OTOGL: variants seen among roughly 807,000 people sequenced by gnomAD.
OTOGL encodes otogelin-like protein.
In OTOGL, 285 loss-of-function variants were observed where a neutral mutation model predicts 318.5. The observed-to-expected ratio is 0.89, with a 90% CI of 0.81 to 0.99. The LOEUF is 0.99. OTOGL is among the 50% of genes least tolerant of loss of function. OTOGL has a pLI of 0.00. For missense variants in OTOGL, 2,899 were observed against 2,845.6 expected (o/e 1.02, Z -0.43); for synonymous variants, 987 against 936.5 (o/e 1.05, Z -0.99).
chr12:80,111,700 C>G (rs899900089), intron 1 of OTOGL, among the ~76,000 whole-genome samples: 10 of 152,086 alleles, frequency 6.6e-5, no homozygotes, highest in Non-Finnish European at 1.5e-4. Context: ...CAGCTTTGTT[C>G]TTTTTGCTTA....
At position 80,266,223 on chromosome 12, in the gene OTOGL, C is replaced by G. The variant is rs1251493165; in HGVS notation, c.2225-228C>G. 4.5e-5 allele frequency: 23 copies of G among 516,340 alleles called. No homozygotes were observed. In the East Asian group the frequency reaches 6.3e-4, roughly 14 times the overall value. 32.0% of individuals were successfully genotyped at this position (516,340 alleles called of 1,614,324 possible). A position where few individuals can be genotyped will look rare whatever the true frequency, so the allele number is the denominator to read the frequency against. ...CTGAAAATATTTACCATTTGCGAAG[C>G]TGAAAATACTTACCATTTGGCCCTT... On this transcript the variant is annotated intron_variant, in intron 20 of 58. Coordinates refer to ENST00000547103, the MANE Select transcript of OTOGL (RefSeq NM_001378609.3).
chr12:80,103,205 G>A (rs1177170962), intron 1 of OTOGL: 2 of 1,417,426 alleles, frequency 1.4e-6, no homozygotes, highest in Non-Finnish European at 2.0e-6. Context: ...TGGATCGCTC[G>A]TTGTACTTCT....
chr12:80,137,215 A>T (rs992361658), intron 1 of OTOGL, among the ~76,000 whole-genome samples: 4 of 152,160 alleles, frequency 2.6e-5, no homozygotes, highest in South Asian at 4.1e-4. Flanking sequence ...TTATACAAAA[A>T]TGCCAGTGGT....
At chr12:80,279,547 A>G (rs1265215023) in intron 26 of OTOGL, among the ~76,000 whole-genome samples, 6 of 151,520 alleles carry the variant, frequency 4.0e-5, no homozygotes, top group African/African-American at 1.2e-4. Context: ...AACATGCGGT[A>G]TTTGGTTTTC....
At chr12:80,324,548 T>C (rs73152155) in intron 35 of OTOGL, among the ~76,000 whole-genome samples, 3,601 of 152,300 alleles carry the variant, frequency 0.024, 57 homozygotes, top group Non-Finnish European at 0.036. Context: ...TGGCTGCATT[T>C]TAGGCAGCTG....
At chr12:80,354,569 T>C (rs553589812) in intron 46 of OTOGL, among the ~76,000 whole-genome samples, 1 of 152,266 alleles carries the variant, frequency 6.6e-6, no homozygotes, top group South Asian at 2.1e-4. Context: ...GAATTGTCAG[T>C]CATAGGCCTC....
At position 80,265,162 on chromosome 12, in the gene OTOGL, G is replaced by T; in HGVS notation, c.2176G>T (p.Gly726Cys). ...TCTTGCCCACTATGCCTACCTCTGC[G>T]GCCAGCACGGTGTTCCCATTGATTT... ...NALAHYAYLC[G>C]QHGVPIDFRT... The change falls in exon 20 of 59, where the codon GGC (glycine) becomes TGC (cysteine). Residue 726 changes from glycine (G) to cysteine (C), a missense_variant. Transcript: ENST00000547103. The T allele has an allele frequency of 6.2e-7, 1 of 1,613,802 alleles. No homozygotes were observed. The highest frequency in any genetic ancestry group is 8.5e-7 in the Non-Finnish European group (1 of 1,179,848).
chr12:80,183,482 G>A (rs772842552), intron 1 of OTOGL, among the ~76,000 whole-genome samples: 19 of 152,134 alleles, frequency 1.2e-4, no homozygotes, highest in Non-Finnish European at 2.4e-4. Flanking sequence ...GGATGTTTTT[G>A]GGAGGAGTAT....
At chr12:80,358,524 C>G in intron 50 of OTOGL, 147 bp from the exon 51 acceptor site, 1 of 802,640 alleles carries the variant, frequency 1.2e-6, no homozygotes, top group Middle Eastern at 2.8e-4. Flanking sequence ...TTATCTTCAC[C>G]AACACATGGC....
chr12:80,280,935 AT>A (rs879338389), intron 26 of OTOGL, among the ~76,000 whole-genome samples: 39 of 148,700 alleles, frequency 2.6e-4, no homozygotes, highest in East Asian at 7.9e-4. Flanking sequence ...ATACCTAGGT[AT>A]TTTTTTTTTG....
intron 32 of OTOGL, among the ~76,000 whole-genome samples, chr12:80,316,464 C>A (rs1290272436): frequency 1.3e-5 from 2 of 152,154 alleles, no homozygotes; most frequent in Non-Finnish European, 2.9e-5. Flanking sequence ...CTACATTTTG[C>A]TCTCTGTTAA....
chr12:80,376,994 A>G (rs1483409324), intron 57 of OTOGL, 129 bp from the exon 58 acceptor site: 4 of 536,488 alleles, frequency 7.5e-6, no homozygotes, highest in Admixed American at 4.0e-5. Context: ...AGTTTTAAAT[A>G]TCTTTCAATA....
intron 4 of OTOGL, among the ~76,000 whole-genome samples, chr12:80,213,333 G>C (rs577436423): frequency 6.6e-6 from 1 of 152,182 alleles, no homozygotes; most frequent in African/African-American, 2.4e-5. Flanking sequence ...ACAACCAGAG[G>C]TTACTTTCAT....
chr12:80,122,284 A>G (rs950531771), intron 1 of OTOGL, among the ~76,000 whole-genome samples: 1 of 152,196 alleles, frequency 6.6e-6, no homozygotes, highest in Non-Finnish European at 1.5e-5. Context: ...TGTCACATCA[A>G]GATCAAAATA....
Position 80,254,375 on chromosome 12 carries a change from T to G in OTOGL, c.1395-149T>G, listed in dbSNP as rs2137512347. 3 of 424,352 alleles carry G rather than the reference T, an allele frequency of 7.1e-6. 1 individual carries two copies. The South Asian group carries it at 2.5e-4, about 36-fold the overall frequency. 26.3% of individuals were successfully genotyped at this position (424,352 alleles called of 1,614,324 possible). On this transcript the variant is annotated intron_variant, in intron 14 of 58. Transcript: ENST00000547103. ...TTATTATTTATTGATTTTATTTATT[T>G]TATTTTATTTTTTGCAGAGATTTTT...
intron 26 of OTOGL, among the ~76,000 whole-genome samples, chr12:80,288,152 T>C (rs1375942051): frequency 6.6e-6 from 1 of 152,208 alleles, no homozygotes; most frequent in Admixed American, 6.5e-5. Context: ...CTCCTTTGCT[T>C]ATGAAGCCTA....
At chr12:80,271,229 C>T (rs1883384114) in intron 23 of OTOGL, among the ~76,000 whole-genome samples, 2 of 152,080 alleles carry the variant, frequency 1.3e-5, no homozygotes, top group Non-Finnish European at 2.9e-5. Context: ...TATTTGATCT[C>T]TAAGAGCCCA....
At chr12:80,222,029 T>C in intron 6 of OTOGL, 62 bp from the exon 7 acceptor site, 1 of 1,484,724 alleles carries the variant, frequency 6.7e-7, no homozygotes, top group Non-Finnish European at 9.1e-7. Context: ...CATGACTGAC[T>C]GAACATTGCT....
At chr12:80,356,299 T>C in intron 47 of OTOGL, 117 bp from the exon 48 acceptor site, 1 of 750,684 alleles carries the variant, frequency 1.3e-6, no homozygotes, top group Non-Finnish European at 2.2e-6. Flanking sequence ...ACATGCATAA[T>C]GAGAGTCATT....
Sources: gnomAD v4.1 joint callset for allele counts (sites outside exome capture counted in the v4.1 genomes callset) on GRCh38, gnomAD v4.1.1 for gene constraint, MANE v1.5 for transcripts, NCBI Gene and HGNC (gene_info 2026-07-23, HGNC 2026-07-21) for gene names.